GLIS3: variants seen among roughly 807,000 people sequenced by gnomAD.
GLIS3 encodes the protein GLIS family zinc finger 3.
In GLIS3, 53 loss-of-function variants were observed where a neutral mutation model predicts 78.6. That is an observed-to-expected ratio of 0.67 (90% CI 0.54 to 0.85). The LOEUF (loss-of-function observed/expected upper bound fraction) is 0.85. GLIS3 is among the 40% of genes least tolerant of loss of function. The probability of loss-of-function intolerance (pLI) is 0.00; values close to 1 mark genes in which losing one functional copy is unlikely to be tolerated. For synonymous variants in GLIS3, 684 were observed against 509.9 expected (o/e 1.34, Z -4.60); for missense variants, 1,703 against 1,231.1 (o/e 1.38, Z -5.74).
intron 4 of GLIS3, chr9:3,975,299 C>A (rs1165198218): frequency 6.6e-6 from 1 of 151,952 alleles, no homozygotes; most frequent in African/African-American, 2.4e-5. Flanking sequence ...CAGGGGGGCA[C>A]AGGAATAGGG....
At chr9:4,401,874 G>A in the GLIS3 span, among the ~76,000 whole-genome samples, 1 of 152,194 alleles carries the variant, frequency 6.6e-6, no homozygotes, top group Admixed American at 6.5e-5. Flanking sequence ...ACCAGTGGTG[G>A]TGATGGCTCC....
chr9:4,262,121 G>C (rs1480567198), intron 2 of GLIS3, among the ~76,000 whole-genome samples: 2 of 152,126 alleles, frequency 1.3e-5, no homozygotes, highest in Admixed American at 6.5e-5. Context: ...TGAACTATGT[G>C]ACTGAAGAGT....
At chr9:4,017,624 G>A (rs1255290194) in intron 4 of GLIS3, among the ~76,000 whole-genome samples, 4 of 152,178 alleles carry the variant, frequency 2.6e-5, no homozygotes, top group African/African-American at 4.8e-5. Flanking sequence ...CGAGGGTTTA[G>A]ACACACAGTT....
At chr9:4,317,093 T>G (rs1817447956) in intron 2 of GLIS3, among the ~76,000 whole-genome samples, 1 of 152,214 alleles carries the variant, frequency 6.6e-6, no homozygotes, top group South Asian at 2.1e-4. Flanking sequence ...AAAGAAAAGA[T>G]GGTCTTTGAT....
chr9:4,281,087 G>GA (rs986978359), intron 2 of GLIS3, among the ~76,000 whole-genome samples: 1 of 151,998 alleles, frequency 6.6e-6, no homozygotes, highest in Non-Finnish European at 1.5e-5. Context: ...TTAGTCGTTT[G>GA]AAAAAATAAT....
At chr9:3,920,649 T>C (rs1470067497) in intron 6 of GLIS3, among the ~76,000 whole-genome samples, 1 of 147,998 alleles carries the variant, frequency 6.8e-6, no homozygotes, top group Non-Finnish European at 1.5e-5. Context: ...TGGGGGATCA[T>C]CTTTGGATCC....
the GLIS3 span, among the ~76,000 whole-genome samples, chr9:4,403,874 T>C: frequency 6.6e-6 from 1 of 152,072 alleles, no homozygotes; most frequent in Non-Finnish European, 1.5e-5. Context: ...TCCCTACTTA[T>C]CAATAATAAT....
At chr9:4,289,658 T>A (rs1828284820) in intron 1 of GLIS3, among the ~76,000 whole-genome samples, 1 of 151,878 alleles carries the variant, frequency 6.6e-6, no homozygotes, top group South Asian at 2.1e-4. Context: ...AGGCTACCAG[T>A]AACAAAAACA....
chr9:4,041,625 C>T (rs1407678646), intron 4 of GLIS3, among the ~76,000 whole-genome samples: 1 of 152,126 alleles, frequency 6.6e-6, no homozygotes, highest in Non-Finnish European at 1.5e-5. Flanking sequence ...TTTGCCTATG[C>T]TCTGTGAGAC....
the GLIS3 span, among the ~76,000 whole-genome samples, chr9:4,431,815 G>A: frequency 6.9e-6 from 1 of 144,260 alleles, no homozygotes; most frequent in African/African-American, 2.6e-5. Context: ...TTGCACTCCA[G>A]CCTGGGCAAC....
chr9:4,475,933 C>T, the GLIS3 span, among the ~76,000 whole-genome samples: 2 of 151,750 alleles, frequency 1.3e-5, no homozygotes, highest in Non-Finnish European at 2.9e-5. Context: ...TTTTGAAATA[C>T]AGATGGGGTC....
chr9:4,464,281 T>G, the GLIS3 span, among the ~76,000 whole-genome samples: 8 of 152,210 alleles, frequency 5.3e-5, no homozygotes, highest in Admixed American at 3.9e-4. Flanking sequence ...TAAAATTGTT[T>G]TAGTTTCACT....
chr9:4,091,374 A>G lies in GLIS3; in HGVS notation c.1710+26394T>C, dbSNP rs542266471. 3.3e-3 allele frequency among the ~76,000 whole-genome samples: 498 copies of G among 152,244 alleles called. 8 individuals are homozygous for G. Among genetic ancestry groups the G allele is most frequent in the Non-Finnish European group, 3.8e-3 (256 of 68,020 alleles). On this transcript the variant is annotated intron_variant, in intron 4 of 10. Coordinates refer to ENST00000381971, the MANE Select transcript of GLIS3 (RefSeq NM_001042413.2). ...AGAGTGAAACCCCGTCTCAAAAAAA[A>G]TTAAGTTAAAAAAATAATTAAACGT...
chr9:4,246,832 T>A (rs1022713636), intron 2 of GLIS3, among the ~76,000 whole-genome samples: 6 of 152,208 alleles, frequency 3.9e-5, no homozygotes, highest in African/African-American at 1.4e-4. Flanking sequence ...TTAAATTGTG[T>A]TTCATTGGTT....
chr9:4,270,568 T>C (rs988620647), intron 2 of GLIS3, among the ~76,000 whole-genome samples: 2 of 152,182 alleles, frequency 1.3e-5, no homozygotes, highest in Non-Finnish European at 2.9e-5. Context: ...GAGCCTCCAA[T>C]TATTCTGTCT....
intron 7 of GLIS3, among the ~76,000 whole-genome samples, chr9:3,880,105 G>C (rs988933328): frequency 6.6e-6 from 1 of 152,146 alleles, no homozygotes; most frequent in Non-Finnish European, 1.5e-5. Flanking sequence ...CCTGATCCTA[G>C]CATGAACGTA....
At chr9:4,157,545 GCATA>G (rs754197663) in intron 2 of GLIS3, among the ~76,000 whole-genome samples, 2 of 152,158 alleles carry the variant, frequency 1.3e-5, no homozygotes, top group Admixed American at 1.3e-4. Context: ...CAATGAAAGA[GCATA>G]CATAGAGGCT....
chr9:3,841,736 T>C (rs1391829773), intron 9 of GLIS3, among the ~76,000 whole-genome samples: 1 of 152,234 alleles, frequency 6.6e-6, no homozygotes, highest in African/African-American at 2.4e-5. Context: ...CACTGGTTGC[T>C]AGTATATATG....
At chr9:4,480,694 G>A in the GLIS3 span, among the ~76,000 whole-genome samples, 3 of 151,774 alleles carry the variant, frequency 2.0e-5, no homozygotes, top group African/African-American at 7.2e-5. Context: ...CATGTGCTCA[G>A]GAAGGCAAAA....
Sources: allele counts gnomAD v4.1 joint callset (sites outside exome capture counted in the v4.1 genomes callset), GRCh38; gene constraint gnomAD v4.1.1; transcripts MANE v1.5; gene names NCBI Gene and HGNC (gene_info 2026-07-23, HGNC 2026-07-21).